Variants in RBBP7 observed in about 807,000 individuals in gnomAD.
The protein encoded by RBBP7 is histone-binding protein RBBP7.
In RBBP7, 5 loss-of-function variants were observed where a neutral mutation model predicts 35.2. The observed-to-expected ratio is 0.14, with a 90% CI of 0.07 to 0.30. RBBP7 has a LOEUF of 0.30. Among genes scored for constraint, RBBP7 ranks in the 10% least tolerant of loss-of-function variants. The probability of loss-of-function intolerance (pLI) is 1.00; values close to 1 mark genes in which losing one functional copy is unlikely to be tolerated. For synonymous variants in RBBP7, 140 were observed against 118.7 expected (o/e 1.18, Z -1.17); for missense variants, 155 against 327.5 (o/e 0.47, Z 4.07).
intron 2 of RBBP7, among the ~76,000 whole-genome samples, chrX:16,864,540 AAAAAAAAG>A (rs764039241): frequency 0.35 from 32,726 of 93,163 alleles, 5,360 homozygotes; most frequent in East Asian, 0.75. Context: ...AAAAAAAAAA[AAAAAAAAG>A]AAAAAGAAAG....
Position 16,870,167 on chromosome X carries a change from G to T in RBBP7, c.-114C>A. The T allele has an allele frequency of 1.1e-6, 1 of 921,616 alleles. No individual in the cohort carries two copies. The allele number at this position is 921,616 out of a possible 1,213,427, so 76.0% of individuals were successfully genotyped here. ...CAAGCGCGTCACACTCCCCACTGTC[G>T]AAAGCCCGGGCCCCGTCTTGCTGCC... On this transcript the variant is annotated 5_prime_UTR_variant, in exon 1 of 12. Transcript: ENST00000380087.
At chrX:16,869,691 G>T (rs1160630358) in intron 1 of RBBP7, 23 of 1,031,725 alleles carry the variant, frequency 2.2e-5, no homozygotes, top group Non-Finnish European at 2.6e-5. Flanking sequence ...ACCCCGAGGC[G>T]GTCAACGCGC....
At chrX:16,857,290 A>C (rs901190829) in intron 5 of RBBP7, among the ~76,000 whole-genome samples, 9 of 111,953 alleles carry the variant, frequency 8.0e-5, no homozygotes, top group Admixed American at 6.6e-4. Flanking sequence ...ACTTTATATT[A>C]ATCAGGTCCC....
rs756796375 is a variant in RBBP7, at chrX:16,852,389, T to C, written c.963+162A>G. The C allele has an allele frequency of 6.4e-6, 4 of 626,978 alleles. No homozygotes were observed. The South Asian group carries it at 7.4e-5, about 12-fold the overall frequency. The allele number at this position is 626,978 out of a possible 1,213,427, so 51.7% of individuals were successfully genotyped here. ...ACCCCATAACCATCCCAGAAGCTTT[T>C]TAATTCTTCAACAAGGTGTACCTTA... On this transcript the variant is annotated intron_variant, in intron 8 of 11. Coordinates refer to ENST00000380087, the MANE Select transcript of RBBP7 (RefSeq NM_002893.4).
intron 1 of RBBP7, chrX:16,869,707 C>A (rs1331384550): frequency 1.0e-6 from 1 of 997,908 alleles, no homozygotes; most frequent in Non-Finnish European, 1.3e-6. Context: ...CGCGCGCGCG[C>A]GCGTAGAAAG....
intron 1 of RBBP7, chrX:16,869,443 A>C: frequency 8.7e-7 from 1 of 1,149,595 alleles, no homozygotes; most frequent in South Asian, 2.0e-5. Context: ...CATGTTGGGT[A>C]GTCAATTACA....
chrX:16,851,259 T>A (rs1214210150), intron 9 of RBBP7, among the ~76,000 whole-genome samples: 3 of 112,061 alleles, frequency 2.7e-5, no homozygotes, highest in Non-Finnish European at 5.6e-5. Flanking sequence ...CCCAAACACT[T>A]CTTATTCCAA....
At chrX:16,864,526 C>CAAAAAAAAAAA (rs61357554) in intron 2 of RBBP7, among the ~76,000 whole-genome samples, 16 of 26,141 alleles carry the variant, frequency 6.1e-4, no homozygotes, top group African/African-American at 1.5e-3. Flanking sequence ...ACTCCGTCTC[C>CAAAAAAAAAAA]AAAAAAAAAA....
At chrX:16,867,214 T>G (rs1195182460) in intron 2 of RBBP7, among the ~76,000 whole-genome samples, 1 of 111,560 alleles carries the variant, frequency 9.0e-6, no homozygotes, top group Admixed American at 9.5e-5. Context: ...GTAGTCAGTA[T>G]GACCAACATC....
Position 16,862,945 on chromosome X carries a change from A to C in RBBP7, c.307+10T>G. On this transcript the variant is annotated intron_variant, in intron 3 of 11. Coordinates refer to ENST00000380087, the MANE Select transcript of RBBP7 (RefSeq NM_002893.4). ...TTTGACACCAATATTGGAATATATG[A>C]TATACCTACCACCCTTGTCACTGTC... 1 of 1,208,590 alleles carries C rather than the reference A, an allele frequency of 8.3e-7. No homozygotes were observed. Among genetic ancestry groups the C allele is most frequent in the East Asian group, 3.0e-5 (1 of 33,815 alleles).
chrX:16,858,830 A>C lies in RBBP7; in HGVS notation c.327T>G (p.Ser109=). ...TTTCACATTCAATTTTTCCTGTTAC[A>C]GAACCAAAGCCACCAAATTCTAATG... ...SDKGEFGGFG[S]VTGKIECEIK... Residue 109 remains serine, a synonymous_variant, in exon 4 of 12, where the codon TCT becomes TCG. Transcript: ENST00000380087. The C allele has an allele frequency of 8.3e-7, 1 of 1,211,514 alleles. No homozygotes were observed.
At position 16,865,093 on chromosome X, in the gene RBBP7, A is replaced by G. The variant is rs936608125; in HGVS notation, c.162-1993T>C. Among the ~76,000 whole-genome samples the G allele has an allele frequency of 4.3e-4, 45 of 104,166 alleles. 1 individual carries two copies. The highest frequency in any genetic ancestry group is 1.5e-3 in the African/African-American group (43 of 28,272). The allele number at this position is 104,166 out of a possible 115,157, so 90.5% of individuals were successfully genotyped here. A position where few individuals can be genotyped will look rare whatever the true frequency, so the allele number is the denominator to read the frequency against. ...AAAAAAAAAAAAAAAAAAAAAAAGA[A>G]TAAATATTTGGCCGGATGTGGTGGC... On this transcript the variant is annotated intron_variant, in intron 2 of 11. Coordinates refer to ENST00000380087, the MANE Select transcript of RBBP7 (RefSeq NM_002893.4).
intron 9 of RBBP7, among the ~76,000 whole-genome samples, chrX:16,850,127 T>C (rs1470259548): frequency 3.6e-5 from 4 of 112,337 alleles, no homozygotes; most frequent in Non-Finnish European, 7.5e-5. Context: ...ACCTGTGGGA[T>C]TGCTAGACAA....
chrX:16,865,454 G>T (rs1930592005), intron 2 of RBBP7, among the ~76,000 whole-genome samples: 1 of 111,355 alleles, frequency 9.0e-6, no homozygotes. Context: ...GTCCCAAGAC[G>T]GACTGGAGGA....
Position 16,870,221 on chromosome X carries a change from T to C in RBBP7, c.-168A>G, listed in dbSNP as rs375551341. On this transcript the variant is annotated 5_prime_UTR_variant, in exon 1 of 12. Coordinates refer to ENST00000380087, the MANE Select transcript of RBBP7 (RefSeq NM_002893.4). Reference sequence around the variant, plus strand: ...GTGCTCCCCAGACGCCGCGTCCTTCTTTCCTGCCTCCTCCCCGCTCGCGGG... The same window carrying C: ...GTGCTCCCCAGACGCCGCGTCCTTCCTTCCTGCCTCCTCCCCGCTCGCGGG... 6 of 658,203 alleles carry C rather than the reference T, an allele frequency of 9.1e-6. No homozygotes were observed. The highest frequency in any genetic ancestry group is 1.9e-6 in the Non-Finnish European group (1 of 531,289). 54.2% of individuals were successfully genotyped at this position (658,203 alleles called of 1,213,427 possible).
intron 4 of RBBP7, 69 bp downstream of exon 4, chrX:16,858,607 C>T (rs780933291): frequency 2.1e-5 from 24 of 1,166,190 alleles, no homozygotes; most frequent in Non-Finnish European, 2.5e-5. Flanking sequence ...GCTACTTTGA[C>T]CTTAAAAACA....
At chrX:16,853,018 A>C (rs1391014318) in intron 6 of RBBP7, 143 bp from the exon 7 acceptor site, 1 of 954,336 alleles carries the variant, frequency 1.0e-6, no homozygotes, top group Non-Finnish European at 1.4e-6. Context: ...GGTGATTCAG[A>C]CCTCGACCAC....
chrX:16,858,217 T>A (rs111543494), intron 4 of RBBP7, among the ~76,000 whole-genome samples: 1 of 111,600 alleles, frequency 9.0e-6, no homozygotes, highest in African/African-American at 3.3e-5. Context: ...ACTATTGGGG[T>A]CCTCAATTTT....
chrX:16,853,883 AAG>A, intron 5 of RBBP7, 41 bp from the exon 6 acceptor site: 1 of 989,109 alleles, frequency 1.0e-6, no homozygotes, highest in East Asian at 3.8e-5. Flanking sequence ...CAAGGGCTAT[AAG>A]AGACTGATTT....
Sources: gnomAD v4.1 joint callset for allele counts (sites outside exome capture counted in the v4.1 genomes callset) on GRCh38, gnomAD v4.1.1 for gene constraint, MANE v1.5 for transcripts, NCBI Gene and HGNC (gene_info 2026-07-23, HGNC 2026-07-21) for gene names.